Variants in PCDH11Y observed in about 807,000 individuals in gnomAD.
PCDH11Y encodes protocadherin-11 Y-linked.
For synonymous variants in PCDH11Y, 9 were observed against 83.6 expected, an observed-to-expected ratio of 0.11 and a Z score of 4.87; for missense variants, 12 against 224.8, an observed-to-expected ratio of 0.05 and a Z score of 6.05.
chrY:5,599,029 C>T, intron 4 of PCDH11Y, among the ~76,000 whole-genome samples: 1 of 32,225 alleles, frequency 3.1e-5, no homozygotes. Flanking sequence ...GACTGCCTTT[C>T]CTTGTACTAT....
intron 4 of PCDH11Y, among the ~76,000 whole-genome samples, chrY:5,719,257 A>G: frequency 2.9e-5 from 1 of 33,945 alleles, no homozygotes; most frequent in African/African-American, 1.1e-4. Context: ...CTGGCTGGAG[A>G]AAATTTCATA....
At chrY:5,187,259 G>GA (rs2052907144) in intron 2 of PCDH11Y, among the ~76,000 whole-genome samples, 1 of 33,022 alleles carries the variant, frequency 3.0e-5, no homozygotes, top group South Asian at 6.9e-4. Flanking sequence ...GGATCTGGAA[G>GA]ACTGTGGCCC....
At chrY:5,437,669 CT>C (rs2053276642) in intron 2 of PCDH11Y, among the ~76,000 whole-genome samples, 3 of 31,445 alleles carry the variant, frequency 9.5e-5, no homozygotes, top group Non-Finnish European at 1.6e-4. Flanking sequence ...TACTGGCTTT[CT>C]TTTTTTTTAA....
At chrY:5,363,849 CTTTTTTT>C (rs747636752) in intron 2 of PCDH11Y, among the ~76,000 whole-genome samples, 2 of 15,214 alleles carry the variant, frequency 1.3e-4, no homozygotes, top group South Asian at 1.5e-3. Flanking sequence ...TTCTTTCTTT[CTTTTTTT>C]TTTTTTTTTT....
At chrY:5,287,951 A>G in intron 2 of PCDH11Y, among the ~76,000 whole-genome samples, 1 of 33,141 alleles carries the variant, frequency 3.0e-5, no homozygotes, top group Non-Finnish European at 7.4e-5. Context: ...TTTTTAAAAA[A>G]ATAAAAATTA....
At chrY:5,000,921 G>C in intron 1 of PCDH11Y, among the ~76,000 whole-genome samples, 1 of 33,733 alleles carries the variant, frequency 3.0e-5, no homozygotes, top group Non-Finnish European at 7.4e-5. Context: ...TGTGCAAAAA[G>C]GTCTCTCCCT....
chrY:5,082,363 G>C, intron 1 of PCDH11Y, among the ~76,000 whole-genome samples: 18 of 32,729 alleles, frequency 5.5e-4, no homozygotes, highest in Non-Finnish European at 1.3e-3. Flanking sequence ...TTGCATCTCT[G>C]CGAGGTTTTG....
intron 3 of PCDH11Y, among the ~76,000 whole-genome samples, chrY:5,524,706 C>T: frequency 3.1e-5 from 1 of 32,438 alleles, no homozygotes; most frequent in Non-Finnish European, 7.5e-5. Context: ...TGTCCTAATG[C>T]TCTCCCTCTT....
intron 3 of PCDH11Y, among the ~76,000 whole-genome samples, chrY:5,523,071 T>A: frequency 3.0e-5 from 1 of 33,701 alleles, no homozygotes; most frequent in Non-Finnish European, 7.4e-5. Flanking sequence ...CACATTTCTC[T>A]TGGTTATTTG....
Position 5,520,220 on chromosome Y carries a change from T to TAA in PCDH11Y, c.3328+18982_3328+18983dup, listed in dbSNP as rs34824182. ...GGCAACAGAGTGAAATTCCATCTCA[T>TAA]AAAAAAAAAAAAAAAAAAGGAAAAA... is the stretch of plus-strand genomic sequence containing the variant. On this transcript the variant is annotated intron_variant, in intron 3 of 4. Transcript: ENST00000400457. Among the ~76,000 whole-genome samples the TAA allele has an allele frequency of 9.9e-4, 12 of 12,156 alleles. No homozygotes were observed. The East Asian group carries it at 0.027, about 27-fold the overall frequency. 32.6% of individuals were successfully genotyped at this position (12,156 alleles called of 37,273 possible).
intron 2 of PCDH11Y, among the ~76,000 whole-genome samples, chrY:5,381,785 CACAT>C (rs2053205378): frequency 3.0e-5 from 1 of 33,304 alleles, no homozygotes; most frequent in Non-Finnish European, 7.4e-5. Flanking sequence ...TGGTTAAAAT[CACAT>C]ACAAAGAATC....
chrY:5,686,998 T>C (rs2053563795), intron 4 of PCDH11Y, among the ~76,000 whole-genome samples: 1 of 19,211 alleles, frequency 5.2e-5, no homozygotes, highest in Non-Finnish European at 1.1e-4. Context: ...GGCACATGGG[T>C]GGGAACAACA....
At chrY:5,327,007 T>C in intron 2 of PCDH11Y, among the ~76,000 whole-genome samples, 1 of 33,012 alleles carries the variant, frequency 3.0e-5, no homozygotes, top group African/African-American at 1.2e-4. Context: ...AAAGGAGTTG[T>C]TGTTTTGTAA....
rs1602900082 is a variant in PCDH11Y at position 5,292,130 on chromosome Y, A to G, written c.3129+191423A>G. Among the ~76,000 whole-genome samples, 9 of 32,487 alleles carry G rather than the reference A, an allele frequency of 2.8e-4. No homozygotes were observed. The East Asian group carries it at 6.6e-3, about 24-fold the overall frequency. 87.2% of individuals were successfully genotyped at this position (32,487 alleles called of 37,273 possible). On this transcript the variant is annotated intron_variant, in intron 2 of 4. Transcript: ENST00000400457. Reference sequence around the variant, plus strand: ...TTATGATGAATGCTCTATTTAATATATTGTCTAATTCAGTTTGTAGTATTT... The same window carrying G: ...TTATGATGAATGCTCTATTTAATATGTTGTCTAATTCAGTTTGTAGTATTT...
intron 2 of PCDH11Y, among the ~76,000 whole-genome samples, chrY:5,247,199 A>C: frequency 3.1e-5 from 1 of 32,777 alleles, no homozygotes; most frequent in Non-Finnish European, 7.6e-5. Flanking sequence ...GAAAATTAAC[A>C]AGGATATTCA....
chrY:5,231,424 G>T (rs1602889956), intron 2 of PCDH11Y, among the ~76,000 whole-genome samples: 1 of 33,365 alleles, frequency 3.0e-5, no homozygotes, highest in South Asian at 6.8e-4. Context: ...TATTAAACAA[G>T]ATCCAAGAGA....
Position 5,594,467 on chromosome Y carries a change from C to CCA in PCDH11Y, c.3352+12681_3352+12682dup, listed in dbSNP as rs2053465458. 1.2e-3 allele frequency among the ~76,000 whole-genome samples: 37 copies of CCA among 30,857 alleles called. No individual in the cohort carries two copies. In the South Asian group the frequency reaches 0.025, roughly 21 times the overall value. 82.8% of individuals were successfully genotyped at this position (30,857 alleles called of 37,273 possible). ...GGCAGGGTTCACACACACACACACCCCACACACACACACCCCACACACACA... is the reference window on the plus strand; with the variant it reads ...GGCAGGGTTCACACACACACACACCCCACACACACACACACCCCACACACACA... On this transcript the variant is annotated intron_variant, in intron 4 of 4. Transcript: ENST00000400457.
chrY:5,094,741 T>A, intron 1 of PCDH11Y, among the ~76,000 whole-genome samples: 1 of 30,780 alleles, frequency 3.2e-5, no homozygotes, highest in African/African-American at 1.3e-4. Context: ...GGAACTGATG[T>A]TTTAAATTAA....
intron 3 of PCDH11Y, among the ~76,000 whole-genome samples, chrY:5,534,518 A>G: frequency 3.0e-5 from 1 of 33,765 alleles, no homozygotes; most frequent in Admixed American, 2.7e-4. Flanking sequence ...CATTTCTGCA[A>G]AGAACATGAT....
Sources: gnomAD v4.1 joint callset for allele counts (sites outside exome capture counted in the v4.1 genomes callset) on GRCh38, gnomAD v4.1.1 for gene constraint, MANE v1.5 for transcripts, NCBI Gene and HGNC (gene_info 2026-07-23, HGNC 2026-07-21) for gene names.